The following THBS2 variants were observed in gnomAD, a reference collection of about 807,000 sequenced individuals.
THBS2 encodes thrombospondin-2.
A neutral mutation model predicts 135.2 loss-of-function variants in THBS2; 47 were observed. The observed-to-expected ratio is 0.35, with a 90% CI of 0.28 to 0.44. The LOEUF is 0.44. Ranked by LOEUF, THBS2 falls within the 20% of genes least tolerant of loss-of-function variation. The pLI, the probability that THBS2 is intolerant of heterozygous loss-of-function variation, is 1.00. For missense variants in THBS2, 1,288 were observed against 1,603.1 expected (o/e 0.80, Z 3.36); for synonymous variants, 639 against 633.8 (o/e 1.01, Z -0.12).
intron 10 of THBS2, 73 bp downstream of exon 10, chr6:169,234,661 T>A: frequency 7.3e-7 from 1 of 1,360,614 alleles, no homozygotes; most frequent in Non-Finnish European, 9.7e-7. Context: ...TCATCTAGTT[T>A]CCCAAAGCGT....
intron 4 of THBS2, among the ~76,000 whole-genome samples, chr6:169,244,291 A>C (rs1199258752): frequency 6.8e-6 from 1 of 147,782 alleles, no homozygotes; most frequent in Non-Finnish European, 1.5e-5. Context: ...AGGAGGCTGC[A>C]CCTACTAGGG....
chr6:169,248,177 G>T (rs1056924483), intron 3 of THBS2, among the ~76,000 whole-genome samples: 2 of 148,192 alleles, frequency 1.3e-5, no homozygotes, highest in Non-Finnish European at 3.0e-5. Flanking sequence ...ATGTGTGTTT[G>T]TGTGTGTGTG....
chr6:169,239,773 G>C (rs1032765268), intron 6 of THBS2, 78 bp from the exon 7 acceptor site: 2 of 1,097,354 alleles, frequency 1.8e-6, no homozygotes, highest in Non-Finnish European at 2.7e-6. Flanking sequence ...GACTAGAAGG[G>C]GTCGACAGAA....
intron 3 of THBS2, 142 bp from the exon 4 acceptor site, chr6:169,246,423 C>G: frequency 3.0e-6 from 2 of 677,128 alleles, no homozygotes; most frequent in East Asian, 2.7e-5. Flanking sequence ...TTTGCAATCT[C>G]TTTATAATCA....
chr6:169,216,928 C>T lies in THBS2; in HGVS notation c.*894G>A, dbSNP rs1779191659. The T allele has an allele frequency of 6.6e-6, 1 of 152,206 alleles. No individual in the cohort carries two copies. The highest frequency in any genetic ancestry group is 2.1e-4 in the South Asian group (1 of 4,832). 9.4% of individuals were successfully genotyped at this position (152,206 alleles called of 1,614,324 possible). On this transcript the variant is annotated 3_prime_UTR_variant, in exon 22 of 22. Transcript: ENST00000617924. ...AAAGCCTAGATACGCGTTAGATGCG[C>T]CTTTTCCGGCCTGTGCGTCTGCTCT... is the stretch of plus-strand genomic sequence containing the variant.
rs1779157602 is a variant in THBS2, at chr6:169,215,958, GA to G, written c.*1863del. ...TCAACCTATACGATAAATTTGTTTA[GA>G]AAAACATAAATAATTTACAAAAAAT... is the stretch of plus-strand genomic sequence containing the variant. On this transcript the variant is annotated 3_prime_UTR_variant, in exon 22 of 22. Transcript: ENST00000617924. 1 of 152,408 alleles carries G rather than the reference GA, an allele frequency of 6.6e-6. No individual in the cohort carries two copies. 9.4% of individuals were successfully genotyped at this position (152,408 alleles called of 1,614,324 possible).
At position 169,231,956 on chromosome 6, in the gene THBS2, TGCCCTGCGA is replaced by T; in HGVS notation, c.2151+15_2151+23del. 1 of 1,611,332 alleles carries T rather than the reference TGCCCTGCGA, an allele frequency of 6.2e-7. No individual in the cohort carries two copies. The highest frequency in any genetic ancestry group is 8.5e-7 in the Non-Finnish European group (1 of 1,178,978). The stretch of plus-strand genomic sequence containing the variant: ...GAGGGCTGACCGCCGTGGCCCCGTG[TGCCCTGCGA>T]GCCCCGCGCCTCACCTTGATGCAGT... On this transcript the variant is annotated intron_variant, in intron 13 of 21. Coordinates refer to ENST00000617924, the MANE Select transcript of THBS2 (RefSeq NM_003247.5).
intron 7 of THBS2, among the ~76,000 whole-genome samples, chr6:169,238,499 A>C (rs1349770247): frequency 6.6e-6 from 1 of 152,212 alleles, no homozygotes; most frequent in Non-Finnish European, 1.5e-5. Context: ...GATAACATAA[A>C]ATGTCTCCTT....
intron 4 of THBS2, among the ~76,000 whole-genome samples, chr6:169,245,387 T>C (rs1018918174): frequency 6.6e-6 from 1 of 152,228 alleles, no homozygotes. Flanking sequence ...GAAAGTGTGC[T>C]TGGAAATATG....
intron 12 of THBS2, 85 bp downstream of exon 12, chr6:169,232,579 C>T (rs1285473727): frequency 2.0e-6 from 3 of 1,523,214 alleles, no homozygotes; most frequent in Non-Finnish European, 2.6e-6. Flanking sequence ...CCACCCCTTC[C>T]TCTCCTTCCT....
chr6:169,219,430 A>C (rs895809169), intron 21 of THBS2, among the ~76,000 whole-genome samples: 11 of 151,980 alleles, frequency 7.2e-5, no homozygotes, highest in African/African-American at 2.7e-4. Flanking sequence ...GGGTGGGTGG[A>C]TGAATGATAT....
Position 169,229,768 on chromosome 6 carries a change from C to G in THBS2, c.2152-89G>C, listed in dbSNP as rs758545315. ...AGGTGAAATGAAACCAGCATGGCGC[C>G]GAGGAAGGAAGCGTGCCCCATCAGT... On this transcript the variant is annotated intron_variant, in intron 13 of 21. Transcript: ENST00000617924. 3 of 1,060,490 alleles carry G rather than the reference C, an allele frequency of 2.8e-6. No homozygotes were observed. In the East Asian group the frequency reaches 7.2e-5, roughly 26 times the overall value. The allele number at this position is 1,060,490 out of a possible 1,614,324, so 65.7% of individuals were successfully genotyped here. A position where few individuals can be genotyped will look rare whatever the true frequency, so the allele number is the denominator to read the frequency against.
rs1583405344 is a variant in THBS2 at position 169,223,556 on chromosome 6, C to T, written c.2774-81G>A. On this transcript the variant is annotated intron_variant, in intron 17 of 21. Transcript: ENST00000617924. Reference sequence around the variant, plus strand: ...GTCGGTGGTTTGCCATTTGCTTTTCCGTGTCTGAGAAACATGAGTGCATCT... The same window carrying T: ...GTCGGTGGTTTGCCATTTGCTTTTCTGTGTCTGAGAAACATGAGTGCATCT... 3.0e-5 allele frequency: 37 copies of T among 1,215,420 alleles called. 1 individual carries two copies. In the South Asian group the frequency reaches 3.7e-4, roughly 12 times the overall value. The allele number at this position is 1,215,420 out of a possible 1,614,324, so 75.3% of individuals were successfully genotyped here.
At chr6:169,247,616 ATG>A (rs1011351035) in intron 3 of THBS2, among the ~76,000 whole-genome samples, 17 of 151,340 alleles carry the variant, frequency 1.1e-4, no homozygotes, top group South Asian at 4.2e-4. Flanking sequence ...GCACGTGTGT[ATG>A]TGTGTGTTCA....
At chr6:169,219,660 A>G in intron 21 of THBS2, 1 of 416,838 alleles carries the variant, frequency 2.4e-6, no homozygotes, top group Non-Finnish European at 4.8e-6. Context: ...CATGATTTTC[A>G]ATGTGTGATT....
chr6:169,236,163 CTCCCCATCCACACTCAT>C (rs1562359881), intron 9 of THBS2, among the ~76,000 whole-genome samples: 2 of 73,532 alleles, frequency 2.7e-5, no homozygotes, highest in Admixed American at 1.6e-4. Flanking sequence ...TCCACACTCA[CTCCCCATCCACACTCAT>C]TCCCCATCCA....
chr6:169,216,989 T>G lies in THBS2; in HGVS notation c.*833A>C, dbSNP rs1019906646. On this transcript the variant is annotated 3_prime_UTR_variant, in exon 22 of 22. Transcript: ENST00000617924. The stretch of plus-strand genomic sequence containing the variant: ...AGGCAGCAAAGCTGGGGAAGGAAGC[T>G]CAGGCAGGAGCCTCCCCGACGCCAC... 1 of 152,246 alleles carries G rather than the reference T, an allele frequency of 6.6e-6. No homozygotes were observed. The highest frequency in any genetic ancestry group is 1.5e-5 in the Non-Finnish European group (1 of 68,058). The allele number at this position is 152,246 out of a possible 1,614,324, so 9.4% of individuals were successfully genotyped here.
intron 15 of THBS2, among the ~76,000 whole-genome samples, chr6:169,227,542 C>T (rs1264286725): frequency 2.6e-5 from 4 of 152,116 alleles, no homozygotes; most frequent in Admixed American, 1.3e-4. Flanking sequence ...TGAAGAAGCA[C>T]GAGGCCCAGG....
At chr6:169,246,387 G>C (rs762713488) in intron 3 of THBS2, 106 bp from the exon 4 acceptor site, 12 of 920,600 alleles carry the variant, frequency 1.3e-5, no homozygotes, top group Non-Finnish European at 2.1e-5. Flanking sequence ...TTCAAGTAGT[G>C]AGAGTATTTC....
Sources: allele counts gnomAD v4.1 joint callset (sites outside exome capture counted in the v4.1 genomes callset), GRCh38; gene constraint gnomAD v4.1.1; transcripts MANE v1.5; gene names NCBI Gene and HGNC (gene_info 2026-07-23, HGNC 2026-07-21).